Variants in SNX29 observed in about 807,000 individuals in gnomAD.
SNX29 encodes the protein sorting nexin 29.
A neutral mutation model predicts 102.1 loss-of-function variants in SNX29; 78 were observed. The ratio of observed to expected loss-of-function variants is 0.76; its 90% confidence interval spans 0.64 to 0.92. The LOEUF is 0.92. Among genes scored for constraint, SNX29 ranks in the 40% least tolerant of loss-of-function variants. SNX29 has a pLI of 0.00. For synonymous variants in SNX29, 580 were observed against 414.5 expected, an observed-to-expected ratio of 1.40 and a Z score of -4.85; for missense variants, 1,280 against 1,061.7, an observed-to-expected ratio of 1.21 and a Z score of -2.86.
chr16:12,350,258 G>A (rs1201645078), intron 15 of SNX29, among the ~76,000 whole-genome samples: 1 of 152,184 alleles, frequency 6.6e-6, no homozygotes, highest in Non-Finnish European at 1.5e-5. Flanking sequence ...CGGGGAGAAT[G>A]CATCTGTACT....
chr16:12,029,838 C>T (rs554192435), intron 4 of SNX29: 27 of 340,554 alleles, frequency 7.9e-5, no homozygotes, highest in African/African-American at 3.5e-4. Context: ...GTAATCTGCC[C>T]GCCTCGACCT....
chr16:12,483,114 G>GTTTTTTTTTTTTTTTT lies in SNX29; in HGVS notation c.2178+5269_2178+5284dup, dbSNP rs574090459. On this transcript the variant is annotated intron_variant, in intron 19 of 20. Coordinates refer to ENST00000566228, the MANE Select transcript of SNX29 (RefSeq NM_032167.5). ...AATAGATACATATTGAAGTTATTAAGTTTTTTTTTTTTTTTTTTTTTTTTT... is the reference window on the plus strand; with the variant it reads ...AATAGATACATATTGAAGTTATTAAGTTTTTTTTTTTTTTTTTTTTTTTTTTTTTTTTTTTTTTTTT... Among the ~76,000 whole-genome samples the GTTTTTTTTTTTTTTTT allele has an allele frequency of 3.8e-4, 25 of 66,210 alleles. 2 individuals are homozygous for GTTTTTTTTTTTTTTTT. The highest frequency in any genetic ancestry group is 1.3e-3 in the East Asian group (3 of 2,378). 43.4% of individuals were successfully genotyped at this position (66,210 alleles called of 152,430 possible). A position where few individuals can be genotyped will look rare whatever the true frequency, so the allele number is the denominator to read the frequency against.
In SNX29 at chr16:12,571,933, G is replaced by T. The variant is rs1567230587; in HGVS notation, c.*3304G>T. 3.8e-6 allele frequency: 4 copies of T among 1,061,988 alleles called. No homozygotes were observed. The highest frequency in any genetic ancestry group is 5.4e-5 in the Admixed American group (1 of 18,618). 65.8% of individuals were successfully genotyped at this position (1,061,988 alleles called of 1,614,324 possible). A position where few individuals can be genotyped will look rare whatever the true frequency, so the allele number is the denominator to read the frequency against. Reference sequence around the variant, plus strand: ...CTACTGGCAGGCCCTGGTGAAGGAAGACACTTTCAGGGAAGAGGCTCTTAC... The same window carrying T: ...CTACTGGCAGGCCCTGGTGAAGGAATACACTTTCAGGGAAGAGGCTCTTAC... On this transcript the variant is annotated 3_prime_UTR_variant, in exon 21 of 21. Transcript: ENST00000566228.
At chr16:12,162,891 C>G (rs980628551) in intron 13 of SNX29, among the ~76,000 whole-genome samples, 2 of 149,144 alleles carry the variant, frequency 1.3e-5, no homozygotes, top group African/African-American at 4.9e-5. Flanking sequence ...CTTTGTTTTT[C>G]TTTTTTTTTT....
At chr16:12,268,432 C>T (rs1020403709) in intron 14 of SNX29, among the ~76,000 whole-genome samples, 5 of 152,204 alleles carry the variant, frequency 3.3e-5, no homozygotes, top group Non-Finnish European at 5.9e-5. Context: ...CATCGCAGAG[C>T]TCCGGGGTCT....
chr16:12,371,256 C>G (rs2151381077), intron 16 of SNX29, among the ~76,000 whole-genome samples: 1 of 152,142 alleles, frequency 6.6e-6, no homozygotes, highest in East Asian at 1.9e-4. Flanking sequence ...CTTTCTTTCT[C>G]TCTTCCCTCC....
chr16:12,514,618 A>G (rs1185087953), intron 19 of SNX29, among the ~76,000 whole-genome samples: 1 of 152,130 alleles, frequency 6.6e-6, no homozygotes, highest in East Asian at 1.9e-4. Flanking sequence ...TGATCCCAGC[A>G]CTTTGGGAGG....
chr16:12,557,905 T>C (rs1351547098), intron 20 of SNX29, among the ~76,000 whole-genome samples: 1 of 152,178 alleles, frequency 6.6e-6, no homozygotes, highest in African/African-American at 2.4e-5. Context: ...TGGAGGATTC[T>C]CAAGTCGTCA....
Position 12,541,611 on chromosome 16 carries a change from C to T in SNX29, c.2318+16770C>T, listed in dbSNP as rs555440434. 8.5e-5 allele frequency among the ~76,000 whole-genome samples: 13 copies of T among 152,292 alleles called. No individual in the cohort carries two copies. In the South Asian group the frequency reaches 2.7e-3, roughly 32 times the overall value. The stretch of plus-strand genomic sequence containing the variant: ...TCAACCCTGAGGTCACACTCTGGGC[C>T]ACATCTCTGTCGGGGTCCATCGCAT... On this transcript the variant is annotated intron_variant, in intron 20 of 20. Transcript: ENST00000566228.
At position 12,352,367 on chromosome 16, in the gene SNX29, GC is replaced by G. The variant is rs959293928; in HGVS notation, c.1783-3795del. On this transcript the variant is annotated intron_variant, in intron 15 of 20. Coordinates refer to ENST00000566228, the MANE Select transcript of SNX29 (RefSeq NM_032167.5). ...AACATCACACACCGGGGACTGTTGTGCGGTGGGGGAAGGGGGGAGGGATAGC... is the reference window on the plus strand; with the variant it reads ...AACATCACACACCGGGGACTGTTGTGGGTGGGGGAAGGGGGGAGGGATAGC... Among the ~76,000 whole-genome samples, 164 of 152,158 alleles carry G rather than the reference GC, an allele frequency of 1.1e-3. 2 individuals are homozygous for G. The highest frequency in any genetic ancestry group is 3.8e-3 in the African/African-American group (158 of 41,498).
chr16:11,998,900 A>G (rs2056184397), intron 1 of SNX29, among the ~76,000 whole-genome samples: 1 of 152,170 alleles, frequency 6.6e-6, no homozygotes, highest in Admixed American at 6.5e-5. Flanking sequence ...ATTTTATTTT[A>G]GGCTGCTGGT....
At chr16:12,507,047 C>G (rs1362311986) in intron 19 of SNX29, among the ~76,000 whole-genome samples, 1 of 152,138 alleles carries the variant, frequency 6.6e-6, no homozygotes, top group African/African-American at 2.4e-5. Context: ...AATTAAATGA[C>G]CTGACAAAGA....
intron 20 of SNX29, among the ~76,000 whole-genome samples, chr16:12,552,023 G>C (rs779234243): frequency 2.0e-5 from 3 of 152,142 alleles, no homozygotes; most frequent in Admixed American, 6.5e-5. Context: ...AAAAAACGTG[G>C]CAAGTCCAGG....
At chr16:12,121,932 C>T (rs1312076067) in intron 11 of SNX29, among the ~76,000 whole-genome samples, 3 of 152,198 alleles carry the variant, frequency 2.0e-5, no homozygotes, top group Non-Finnish European at 4.4e-5. Flanking sequence ...TCTCCTGCCT[C>T]AACCTCCCGA....
chr16:12,220,882 G>A (rs2077457906), intron 14 of SNX29, among the ~76,000 whole-genome samples: 1 of 152,150 alleles, frequency 6.6e-6, no homozygotes, highest in Non-Finnish European at 1.5e-5. Flanking sequence ...AATGAGCAAG[G>A]GATAAGAATA....
chr16:12,571,018 C>T lies in SNX29; in HGVS notation c.*2389C>T, dbSNP rs1334342216. ...CACAGACCGTAGAGTCGAGTCATCT[C>T]GCAGATCCAGACCATCTCCTCTCAT... is the stretch of plus-strand genomic sequence containing the variant. On this transcript the variant is annotated 3_prime_UTR_variant, in exon 21 of 21. Coordinates refer to ENST00000566228, the MANE Select transcript of SNX29 (RefSeq NM_032167.5). 5 of 232,666 alleles carry T rather than the reference C, an allele frequency of 2.1e-5. No individual in the cohort carries two copies. The highest frequency in any genetic ancestry group is 1.2e-4 in the East Asian group (2 of 16,514). The allele number at this position is 232,666 out of a possible 1,614,324, so 14.4% of individuals were successfully genotyped here.
chr16:12,125,706 C>G (rs1180108412), intron 11 of SNX29, among the ~76,000 whole-genome samples: 1 of 142,734 alleles, frequency 7.0e-6, no homozygotes, highest in Admixed American at 7.5e-5. Context: ...GAACTCCTAC[C>G]TTGGTCTCCC....
intron 20 of SNX29, among the ~76,000 whole-genome samples, chr16:12,543,074 A>C (rs935488931): frequency 2.6e-5 from 4 of 152,188 alleles, no homozygotes; most frequent in African/African-American, 9.7e-5. Flanking sequence ...TTTCACCCTC[A>C]AGCATGTTCT....
intron 14 of SNX29, among the ~76,000 whole-genome samples, chr16:12,205,208 A>C (rs547879890): frequency 1.3e-5 from 2 of 152,110 alleles, no homozygotes; most frequent in African/African-American, 4.8e-5. Flanking sequence ...CTTCTGAACC[A>C]TTGCAGGCAT....
Sources: allele counts gnomAD v4.1 joint callset (sites outside exome capture counted in the v4.1 genomes callset), GRCh38; gene constraint gnomAD v4.1.1; transcripts MANE v1.5; gene names NCBI Gene and HGNC (gene_info 2026-07-23, HGNC 2026-07-21).